Variants in NDUFAF6 observed in about 807,000 individuals in gnomAD.
The protein encoded by NDUFAF6 is NADH dehydrogenase (ubiquinone) complex I, assembly factor 6.
Under a neutral mutation model 40.8 loss-of-function variants are expected in NDUFAF6, and 45 were observed. The ratio of observed to expected loss-of-function variants is 1.10; its 90% CI spans 0.87 to 1.42. The LOEUF (loss-of-function observed/expected upper bound fraction) is 1.42. Ranked by LOEUF, NDUFAF6 falls within the 40% of genes most tolerant of loss-of-function variation. The pLI is 0.00. For synonymous variants in NDUFAF6, 185 were observed against 155.9 expected (o/e 1.19, Z -1.39); for missense variants, 435 against 418.5 (o/e 1.04, Z -0.34).
chr8:95,118,467 G>T (rs1407923939), downstream of NDUFAF6, among the ~76,000 whole-genome samples: 1 of 151,988 alleles, frequency 6.6e-6, no homozygotes, highest in Non-Finnish European at 1.5e-5. Flanking sequence ...GCTGACTTTG[G>T]GTGAGAAATA....
chr8:95,036,547 A>G, intron 3 of NDUFAF6: 1 of 1,234,174 alleles, frequency 8.1e-7, no homozygotes, highest in Non-Finnish European at 1.0e-6. Flanking sequence ...AAGAAGCTCA[A>G]CCTAGGTGAC....
intron 1 of NDUFAF6, among the ~76,000 whole-genome samples, chr8:94,921,804 C>G (rs1819520536): frequency 6.6e-6 from 1 of 152,152 alleles, no homozygotes; most frequent in Non-Finnish European, 1.5e-5. Flanking sequence ...GGGCTTCTCA[C>G]TCATTAGCCT....
chr8:95,034,728 T>C (rs1275472694), intron 2 of NDUFAF6: 3 of 152,418 alleles, frequency 2.0e-5, no homozygotes, highest in African/African-American at 7.2e-5. Flanking sequence ...CCAGCAGTAA[T>C]GTTAATTTTA....
chr8:94,960,155 C>T (rs985060551), intron 1 of NDUFAF6, among the ~76,000 whole-genome samples: 1 of 152,214 alleles, frequency 6.6e-6, no homozygotes, highest in African/African-American at 2.4e-5. Context: ...AAAACACTTC[C>T]TTCTTTTTTT....
At chr8:94,915,255 G>T (rs1458293148) in intron 1 of NDUFAF6, among the ~76,000 whole-genome samples, 1 of 152,020 alleles carries the variant, frequency 6.6e-6, no homozygotes, top group Non-Finnish European at 1.5e-5. Flanking sequence ...CCAGCCAATT[G>T]TTCTCATCTT....
intron 4 of NDUFAF6, among the ~76,000 whole-genome samples, chr8:95,111,287 T>A (rs908224761): frequency 6.6e-6 from 1 of 152,134 alleles, no homozygotes; most frequent in African/African-American, 2.4e-5. Context: ...CTATGCAAGA[T>A]CAGAGACAGG....
intron 1 of NDUFAF6, among the ~76,000 whole-genome samples, chr8:94,962,791 C>CTTTTTTTTT (rs58474094): frequency 7.2e-6 from 1 of 139,738 alleles, no homozygotes; most frequent in Non-Finnish European, 1.5e-5. Flanking sequence ...TCCTTTTTTT[C>CTTTTTTTTT]TTTTTTTTTT....
Position 95,045,620 on chromosome 8 carries a change from C to G in NDUFAF6, c.553C>G (p.Leu185Val), listed in dbSNP as rs967513162. ...TTATGCTGAAAACACACAGAGCTCT[C>G]TTCTTTACTTAACACTAGAAATATT... ...ENYAENTQSS[L>V]LYLTLEILGI... The change falls in exon 5 of 9, where the codon CTT becomes GTT. Residue 185 changes from leucine to valine, a missense_variant. Coordinates refer to ENST00000396124, the MANE Select transcript of NDUFAF6 (RefSeq NM_152416.4). 6.2e-7 allele frequency: 1 copy of G among 1,613,168 alleles called. No homozygotes were observed. Among genetic ancestry groups the G allele is most frequent in the Non-Finnish European group, 8.5e-7 (1 of 1,179,388 alleles).
At chr8:94,897,270 T>C (rs16917117) in intron 1 of NDUFAF6, among the ~76,000 whole-genome samples, 23,065 of 152,240 alleles carry the variant, frequency 0.15, 1,851 homozygotes, top group Middle Eastern at 0.26. Context: ...CTCTTATAAA[T>C]GTTCTTTCCA....
chr8:94,934,345 T>C (rs1253695420), intron 1 of NDUFAF6, among the ~76,000 whole-genome samples: 2 of 152,246 alleles, frequency 1.3e-5, no homozygotes, highest in East Asian at 1.9e-4. Flanking sequence ...AAAGTAAACA[T>C]ATAAATGCCA....
At chr8:94,960,254 T>G (rs1823457062) in intron 1 of NDUFAF6, among the ~76,000 whole-genome samples, 1 of 152,256 alleles carries the variant, frequency 6.6e-6, no homozygotes, top group Admixed American at 6.5e-5. Context: ...TGCTTTCACA[T>G]AGCTGCCAAC....
intron 1 of NDUFAF6, among the ~76,000 whole-genome samples, chr8:95,025,824 C>A (rs1448996473): frequency 6.6e-6 from 1 of 152,180 alleles, no homozygotes; most frequent in East Asian, 1.9e-4. Flanking sequence ...GTTTGTCGGG[C>A]GTAGTGCTGG....
intron 1 of NDUFAF6, among the ~76,000 whole-genome samples, chr8:94,976,972 G>A (rs577870938): frequency 5.1e-4 from 77 of 151,904 alleles, no homozygotes; most frequent in Middle Eastern, 3.4e-3. Context: ...GAAACATGGC[G>A]AAACTCCATC....
chr8:95,017,485 C>T (rs2131688308), intron 2 of NDUFAF6, among the ~76,000 whole-genome samples: 1 of 152,272 alleles, frequency 6.6e-6, no homozygotes, highest in South Asian at 2.1e-4. Context: ...GGTCAGCCCT[C>T]CAGGTAGAAA....
intron 1 of NDUFAF6, among the ~76,000 whole-genome samples, chr8:95,029,932 G>A (rs1828636019): frequency 6.6e-6 from 1 of 151,992 alleles, no homozygotes; most frequent in Admixed American, 6.6e-5. Flanking sequence ...TTAATTATAA[G>A]CAAGAAGTGC....
At position 95,058,668 on chromosome 8, in the gene NDUFAF6, AC is replaced by A. The variant is rs1404673946; in HGVS notation, c.*732del. 9.5e-7 allele frequency: 1 copy of A among 1,053,480 alleles called. No individual in the cohort carries two copies. The highest frequency in any genetic ancestry group is 5.5e-5 in the Admixed American group (1 of 18,246). The allele number at this position is 1,053,480 out of a possible 1,614,324, so 65.3% of individuals were successfully genotyped here. On this transcript the variant is annotated 3_prime_UTR_variant, in exon 9 of 9. Transcript: ENST00000396124. ...GAGAAAGTTTGTATAAGTGATATGA[AC>A]GGTATTGTATTGAACATCCATTAAA... is the stretch of plus-strand genomic sequence containing the variant.
downstream of NDUFAF6, among the ~76,000 whole-genome samples, chr8:95,118,457 G>T (rs903812900): frequency 6.6e-6 from 1 of 152,126 alleles, no homozygotes; most frequent in Non-Finnish European, 1.5e-5. Context: ...CTAACTTACA[G>T]CTGACTTTGG....
chr8:94,960,196 A>G (rs1823450849), intron 1 of NDUFAF6, among the ~76,000 whole-genome samples: 1 of 152,212 alleles, frequency 6.6e-6, no homozygotes, highest in Non-Finnish European at 1.5e-5. Context: ...TAAAATTGAC[A>G]TACTGTATAC....
intron 7 of NDUFAF6, among the ~76,000 whole-genome samples, 198 bp from the exon 8 acceptor site, chr8:95,051,976 A>C (rs1166165134): frequency 6.6e-6 from 1 of 152,190 alleles, no homozygotes; most frequent in African/African-American, 2.4e-5. Flanking sequence ...GTAAGAAAGG[A>C]TGGAATTTTT....
Sources: allele counts gnomAD v4.1 joint callset (sites outside exome capture counted in the v4.1 genomes callset), GRCh38; gene constraint gnomAD v4.1.1; transcripts MANE v1.5; gene names NCBI Gene and HGNC (gene_info 2026-07-23, HGNC 2026-07-21).